PAK1: variants seen among roughly 807,000 people sequenced by gnomAD.
PAK1 encodes the protein serine/threonine-protein kinase PAK 1.
In PAK1, 29 loss-of-function variants were observed where a neutral mutation model predicts 67.4. That is an observed-to-expected ratio of 0.43 (90% confidence interval 0.32 to 0.59). The LOEUF is 0.59. PAK1 is among the 20% of genes least tolerant of loss of function. PAK1 has a pLI of 0.07. For synonymous variants in PAK1, 223 were observed against 237.4 expected, an observed-to-expected ratio of 0.94 and a Z score of 0.56; for missense variants, 337 against 670.7, an observed-to-expected ratio of 0.50 and a Z score of 5.50.
intron 1 of PAK1, among the ~76,000 whole-genome samples, chr11:77,415,898 G>C (rs1032878736): frequency 2.6e-5 from 4 of 151,270 alleles, no homozygotes; most frequent in African/African-American, 9.7e-5. Context: ...TTAACACTTG[G>C]CTTAAGACAC....
chr11:77,358,231 A>G (rs1264176265), intron 6 of PAK1, among the ~76,000 whole-genome samples: 1 of 152,106 alleles, frequency 6.6e-6, no homozygotes, highest in Non-Finnish European at 1.5e-5. Context: ...AGACCTAAAC[A>G]AAGAAACACT....
chr11:77,338,134 T>C (rs73501412), intron 11 of PAK1, among the ~76,000 whole-genome samples: 6,693 of 152,216 alleles, frequency 0.044, 531 homozygotes, highest in African/African-American at 0.15. Context: ...GTTCTGCTGC[T>C]ACCCCATTGA....
chr11:77,365,747 C>T (rs1262350369), intron 5 of PAK1, among the ~76,000 whole-genome samples: 2 of 152,002 alleles, frequency 1.3e-5, no homozygotes, highest in African/African-American at 2.4e-5. Flanking sequence ...GCAAGAGAAT[C>T]GCCTGAACTC....
chr11:77,447,508 A>G (rs1565709727), intron 1 of PAK1, among the ~76,000 whole-genome samples: 1 of 152,070 alleles, frequency 6.6e-6, no homozygotes, highest in Non-Finnish European at 1.5e-5. Flanking sequence ...AGGTGTTGTT[A>G]TATCTGCTAA....
chr11:77,341,554 T>C (rs1038940089), intron 10 of PAK1, among the ~76,000 whole-genome samples: 2 of 152,086 alleles, frequency 1.3e-5, no homozygotes, highest in Non-Finnish European at 2.9e-5. Context: ...CACTCAGGAG[T>C]TGGATCACTC....
At chr11:77,423,024 C>T (rs1955353590) in intron 1 of PAK1, among the ~76,000 whole-genome samples, 2 of 151,984 alleles carry the variant, frequency 1.3e-5, no homozygotes, top group South Asian at 4.1e-4. Context: ...TGCCCTCCCT[C>T]CAGAAAATTA....
At chr11:77,355,109 A>G (rs1331601698) in intron 7 of PAK1, among the ~76,000 whole-genome samples, 5 of 152,204 alleles carry the variant, frequency 3.3e-5, no homozygotes, top group African/African-American at 9.7e-5. Flanking sequence ...TGAGCCTCAG[A>G]TATCTTCATT....
chr11:77,424,260 T>C (rs550369730), intron 1 of PAK1, among the ~76,000 whole-genome samples: 4 of 152,186 alleles, frequency 2.6e-5, no homozygotes, highest in South Asian at 2.1e-4. Context: ...AGAAAGTTAG[T>C]TTCCCGTTAC....
At chr11:77,393,471 A>AT (rs976903969) in intron 1 of PAK1, among the ~76,000 whole-genome samples, 11 of 151,966 alleles carry the variant, frequency 7.2e-5, no homozygotes, top group South Asian at 2.1e-4. Context: ...ATTAAAAAAA[A>AT]TTTTTTTGGA....
chr11:77,429,883 T>C (rs1240011744), intron 1 of PAK1, among the ~76,000 whole-genome samples: 2 of 152,232 alleles, frequency 1.3e-5, no homozygotes. Context: ...CATCTTATTA[T>C]GTAGGAAATA....
intron 1 of PAK1, among the ~76,000 whole-genome samples, chr11:77,461,522 G>A (rs997076879): frequency 1.3e-5 from 2 of 152,082 alleles, no homozygotes; most frequent in African/African-American, 2.4e-5. Flanking sequence ...CAATAGTTTC[G>A]GGTAAATTAT....
At chr11:77,497,104 C>T in the PAK1 span, among the ~76,000 whole-genome samples, 1 of 152,096 alleles carries the variant, frequency 6.6e-6, no homozygotes, top group Non-Finnish European at 1.5e-5. Flanking sequence ...ATCTGTCCCA[C>T]TGTATAGAGG....
rs536512656 is a variant in PAK1 at position 77,342,227 on chromosome 11, A to T, written c.999-1464T>A. The stretch of plus-strand genomic sequence containing the variant: ...TCCTCTTCCATGACCTTACAGAGGT[A>T]TTTTTTTTTTTTCTATACCAGACCA... On this transcript the variant is annotated intron_variant, in intron 10 of 14. Transcript: ENST00000356341. Among the ~76,000 whole-genome samples, 892 of 147,818 alleles carry T rather than the reference A, an allele frequency of 6.0e-3. 5 individuals are homozygous for T. The highest frequency in any genetic ancestry group is 0.035 in the Middle Eastern group (10 of 284).
the PAK1 span, among the ~76,000 whole-genome samples, chr11:77,495,337 G>A: frequency 2.4e-4 from 37 of 151,704 alleles, no homozygotes; most frequent in African/African-American, 7.0e-4. Context: ...AGCCAGGCGC[G>A]GTGGTGCATG....
In PAK1 at chr11:77,359,010, T is replaced by C; in HGVS notation, c.485A>G (p.Lys162Arg). The change falls in exon 6 of 15, where the codon AAG becomes AGG. Residue 162 changes from lysine (K) to arginine (R), a missense_variant. Lys to Arg is a conservative substitution (Grantham distance 26). Around this residue, in one of 8 missense-constraint regions of PAK1, gnomAD observed 150 missense variants for 179.0 expected, o/e 0.84. Coordinates refer to ENST00000356341, the MANE Select transcript of PAK1 (RefSeq NM_002576.5). ...DYNSSNALNVKAVSETPAVPP... is the reference protein window; with the variant it reads ...DYNSSNALNVRAVSETPAVPP... ...CACTGCAGGAGTCTCAGACACAGCCTTCACATTCTGTGCAAAGAAGAAAAG... is the reference window on the plus strand; with the variant it reads ...CACTGCAGGAGTCTCAGACACAGCCCTCACATTCTGTGCAAAGAAGAAAAG... 1 of 1,613,092 alleles carries C rather than the reference T, an allele frequency of 6.2e-7. No homozygotes were observed. The highest frequency in any genetic ancestry group is 8.5e-7 in the Non-Finnish European group (1 of 1,179,424).
chr11:77,400,790 G>T (rs1053271126), intron 1 of PAK1, among the ~76,000 whole-genome samples: 2 of 152,176 alleles, frequency 1.3e-5, no homozygotes, highest in African/African-American at 4.8e-5. Flanking sequence ...AATCTATTTG[G>T]TATCATTTTT....
chr11:77,483,528 AGTT>A, the PAK1 span, among the ~76,000 whole-genome samples: 3 of 152,252 alleles, frequency 2.0e-5, no homozygotes, highest in African/African-American at 7.2e-5. Context: ...AGCACAGATC[AGTT>A]GTTGTTTGGG....
At chr11:77,465,819 A>G (rs1378003644) in intron 1 of PAK1, among the ~76,000 whole-genome samples, 1 of 152,092 alleles carries the variant, frequency 6.6e-6, no homozygotes, top group Non-Finnish European at 1.5e-5. Context: ...GCTTAGTAGC[A>G]TGCCCCTGTG....
At chr11:77,408,003 C>A (rs1220093475) in intron 1 of PAK1, among the ~76,000 whole-genome samples, 2 of 152,152 alleles carry the variant, frequency 1.3e-5, no homozygotes, top group Non-Finnish European at 2.9e-5. Context: ...TATGTATACA[C>A]AAACTCAGGA....
Sources: gnomAD v4.1 joint callset for allele counts (sites outside exome capture counted in the v4.1 genomes callset) on GRCh38, gnomAD v4.1.1 for gene constraint, gnomAD v4.1.1 regional missense constraint, MANE v1.5 for transcripts, NCBI Gene and HGNC (gene_info 2026-07-23, HGNC 2026-07-21) for gene names.